The following MEIS2 variants were observed in gnomAD, a reference collection of about 807,000 sequenced individuals.
MEIS2 encodes Meis homeobox 2, also known as homeobox protein Meis2.
MEIS2 carries 9 observed loss-of-function variants against 58.6 expected under a neutral mutation model. The ratio of observed to expected loss-of-function variants is 0.15; its 90% CI spans 0.09 to 0.27. The LOEUF is 0.27. MEIS2 is among the 10% of genes least tolerant of loss of function. The pLI is 1.00. For missense variants in MEIS2, 427 were observed against 635.0 expected, an observed-to-expected ratio of 0.67 and a Z score of 3.52; for synonymous variants, 221 against 228.4, an observed-to-expected ratio of 0.97 and a Z score of 0.29.
chr15:36,901,236 C>T (rs10851999), intron 9 of MEIS2: 106,170 of 152,104 alleles, frequency 0.7, 38,140 homozygotes, highest in East Asian at 0.84. Context: ...ATTCACAGCA[C>T]TTGCTCCTGG....
chr15:36,998,602 AT>A (rs746291289), intron 8 of MEIS2, among the ~76,000 whole-genome samples: 2 of 152,088 alleles, frequency 1.3e-5, no homozygotes, highest in Non-Finnish European at 2.9e-5. Flanking sequence ...CCTGTCTTAT[AT>A]TTGTATAATT....
intron 8 of MEIS2, among the ~76,000 whole-genome samples, chr15:36,965,391 A>T (rs1370482861): frequency 6.6e-6 from 1 of 152,214 alleles, no homozygotes; most frequent in African/African-American, 2.4e-5. Context: ...AAAACAATGC[A>T]AGGCAATGAA....
chr15:36,951,004 T>C (rs1364485385), intron 8 of MEIS2, among the ~76,000 whole-genome samples: 1 of 152,180 alleles, frequency 6.6e-6, no homozygotes, highest in Non-Finnish European at 1.5e-5. Flanking sequence ...TTACTGTTAC[T>C]GCTCTAACAG....
intron 9 of MEIS2, among the ~76,000 whole-genome samples, chr15:36,914,801 C>T (rs1427082351): frequency 6.6e-6 from 1 of 151,828 alleles, no homozygotes; most frequent in Admixed American, 6.6e-5. Context: ...ACCGCAGCAA[C>T]ACACTCTTTC....
chr15:37,039,909 A>G (rs1173602037), intron 7 of MEIS2, among the ~76,000 whole-genome samples: 1 of 152,192 alleles, frequency 6.6e-6, no homozygotes, highest in Non-Finnish European at 1.5e-5. Context: ...TTTTCCTCCA[A>G]TGGACTGTGG....
At chr15:37,032,754 T>G (rs1014448918) in intron 8 of MEIS2, among the ~76,000 whole-genome samples, 4 of 152,076 alleles carry the variant, frequency 2.6e-5, no homozygotes, top group Non-Finnish European at 5.9e-5. Context: ...TTATTGTGAA[T>G]TTTTTTAGAG....
At chr15:36,994,732 C>T (rs2060413959) in intron 8 of MEIS2, among the ~76,000 whole-genome samples, 1 of 152,138 alleles carries the variant, frequency 6.6e-6, no homozygotes, top group Non-Finnish European at 1.5e-5. Flanking sequence ...TGTAGGTGTG[C>T]ATTTATTTTC....
In MEIS2 at chr15:36,988,099, C is replaced by T. The variant is rs536375796; in HGVS notation, c.901-37699G>A. On this transcript the variant is annotated intron_variant, in intron 8 of 11. Transcript: ENST00000561208. ...GTTGGATTGTATACTGGAAATTTGC[C>T]AGGAGTAGATTTGAGGTTCTCTTAC... Among the ~76,000 whole-genome samples, 32 of 152,120 alleles carry T rather than the reference C, an allele frequency of 2.1e-4. 1 individual carries two copies. Among genetic ancestry groups the T allele is most frequent in the Middle Eastern group, 3.4e-3 (1 of 292 alleles).
intron 8 of MEIS2, among the ~76,000 whole-genome samples, chr15:36,983,621 T>A (rs1220547540): frequency 6.6e-6 from 1 of 152,120 alleles, no homozygotes; most frequent in East Asian, 1.9e-4. Flanking sequence ...TTGCTTTGGC[T>A]ATTTGGAATC....
chr15:37,056,386 T>C (rs1888401858), intron 7 of MEIS2, among the ~76,000 whole-genome samples: 1 of 152,134 alleles, frequency 6.6e-6, no homozygotes, highest in African/African-American at 2.4e-5. Flanking sequence ...TAACAAGCTC[T>C]TCAAAATGAG....
chr15:37,034,772 T>TATTG (rs897801979), intron 8 of MEIS2, among the ~76,000 whole-genome samples: 1 of 152,204 alleles, frequency 6.6e-6, no homozygotes, highest in African/African-American at 2.4e-5. Context: ...ACTCTGAGCG[T>TATTG]ATTGATGGTG....
intron 2 of MEIS2, among the ~76,000 whole-genome samples, chr15:37,096,671 C>T (rs1359450899): frequency 6.6e-6 from 1 of 151,988 alleles, no homozygotes; most frequent in Non-Finnish European, 1.5e-5. Flanking sequence ...AGACCCCGGC[C>T]ACTGCAGCCC....
At chr15:37,055,452 A>T (rs1888258668) in intron 7 of MEIS2, among the ~76,000 whole-genome samples, 1 of 152,118 alleles carries the variant, frequency 6.6e-6, no homozygotes. Context: ...CTCACTTTCA[A>T]CTGTTTTCCT....
intron 7 of MEIS2, among the ~76,000 whole-genome samples, chr15:37,054,055 A>G (rs1030596726): frequency 2.0e-5 from 3 of 152,220 alleles, no homozygotes; most frequent in African/African-American, 7.2e-5. Flanking sequence ...AGCACTTTCC[A>G]TTACTTATGG....
chr15:36,925,015 G>A (rs1363250754), intron 9 of MEIS2, among the ~76,000 whole-genome samples: 2 of 152,072 alleles, frequency 1.3e-5, no homozygotes, highest in Non-Finnish European at 2.9e-5. Flanking sequence ...AGACCGCCCG[G>A]GCAGCACACT....
chr15:37,013,656 A>T (rs1014930461), intron 8 of MEIS2, among the ~76,000 whole-genome samples: 1 of 150,498 alleles, frequency 6.6e-6, no homozygotes, highest in Non-Finnish European at 1.5e-5. Flanking sequence ...GGAGGAACTC[A>T]AACAGCTCAA....
chr15:36,990,781 T>C (rs2060245968), intron 8 of MEIS2, among the ~76,000 whole-genome samples: 1 of 151,746 alleles, frequency 6.6e-6, no homozygotes, highest in African/African-American at 2.4e-5. Flanking sequence ...TAATTTCAAG[T>C]GTGAGTGCCA....
In MEIS2 at chr15:36,989,308, T is replaced by C. The variant is rs186498739; in HGVS notation, c.901-38908A>G. On this transcript the variant is annotated intron_variant, in intron 8 of 11. Coordinates refer to ENST00000561208, the MANE Select transcript of MEIS2 (RefSeq NM_170675.5). ...ATTTTCAGCCCAGTGGGATTTCTGC[T>C]TGCACTGCCACTGCCCAGCTGCCAC... Among the ~76,000 whole-genome samples, 267 of 152,324 alleles carry C rather than the reference T, an allele frequency of 1.8e-3. 1 individual carries two copies. The highest frequency in any genetic ancestry group is 5.7e-3 in the African/African-American group (236 of 41,570).
chr15:36,962,341 G>A (rs1487936044), intron 8 of MEIS2, among the ~76,000 whole-genome samples: 1 of 152,164 alleles, frequency 6.6e-6, no homozygotes, highest in South Asian at 2.1e-4. Context: ...CAAGGTATCT[G>A]TGGGGGATTG....
Sources: gnomAD v4.1 joint callset for allele counts (sites outside exome capture counted in the v4.1 genomes callset) on GRCh38, gnomAD v4.1.1 for gene constraint, MANE v1.5 for transcripts, NCBI Gene and HGNC (gene_info 2026-07-23, HGNC 2026-07-21) for gene names.